TET1: variants seen among roughly 807,000 people sequenced by gnomAD.
TET1 encodes the protein methylcytosine dioxygenase TET1.
TET1 carries 13 observed loss-of-function variants against 148.7 expected under a neutral mutation model. The observed-to-expected ratio is 0.09, with a 90% confidence interval of 0.06 to 0.14. The LOEUF (loss-of-function observed/expected upper bound fraction) is 0.14, where lower values mean the gene tolerates loss of function less well. TET1 is among the 10% of genes least tolerant of loss of function. The pLI, the probability that TET1 is intolerant of heterozygous loss-of-function variation, is 1.00. For synonymous variants in TET1, 907 were observed against 937.2 expected (o/e 0.97, Z 0.59); for missense variants, 2,182 against 2,553.8 (o/e 0.85, Z 3.14).
intron 3 of TET1, among the ~76,000 whole-genome samples, chr10:68,607,895 T>C (rs1236615101): frequency 1.3e-5 from 2 of 150,784 alleles, no homozygotes; most frequent in African/African-American, 4.8e-5. Flanking sequence ...CCAACCAAAA[T>C]GGCCTATGCA....
At chr10:68,620,912 C>A (rs1490883433) in intron 3 of TET1, among the ~76,000 whole-genome samples, 1 of 152,164 alleles carries the variant, frequency 6.6e-6, no homozygotes, top group African/African-American at 2.4e-5. Flanking sequence ...TATTTAACAT[C>A]TTTTCATGTG....
Position 68,690,894 on chromosome 10 carries a change from T to A in TET1, c.5491T>A (p.Tyr1831Asn), listed in dbSNP as rs751472174. The A allele has an allele frequency of 1.1e-5, 18 of 1,614,078 alleles. No individual in the cohort carries two copies. The highest frequency in any genetic ancestry group is 1.0e-5 in the Non-Finnish European group (12 of 1,180,052). ...AAAAAGTTCAGACAACACTAAAACTTATTCGCTGATGCCATCCGCTCCTCA... is the reference window on the plus strand; with the variant it reads ...AAAAAGTTCAGACAACACTAAAACTAATTCGCTGATGCCATCCGCTCCTCA... ...ILKSSDNTKT[Y>N]SLMPSAPHPV... The change falls in exon 12 of 12, where the codon TAT becomes AAT. Residue 1831 changes from tyrosine to asparagine, a missense_variant. Coordinates refer to ENST00000373644, the MANE Select transcript of TET1 (RefSeq NM_030625.3).
chr10:68,653,139 C>T (rs1272828152), intron 6 of TET1, among the ~76,000 whole-genome samples: 1 of 151,130 alleles, frequency 6.6e-6, no homozygotes, highest in Non-Finnish European at 1.5e-5. Flanking sequence ...ATAAATCTTT[C>T]ATTTTCTTTT....
intron 3 of TET1, among the ~76,000 whole-genome samples, chr10:68,639,139 T>G (rs1406571822): frequency 6.6e-6 from 1 of 151,972 alleles, no homozygotes; most frequent in Admixed American, 6.6e-5. Flanking sequence ...AAGATTTTCT[T>G]TTCTTTCTTT....
chr10:68,676,268 ATTTTTTTTTTT>A (rs1217792442), intron 8 of TET1, among the ~76,000 whole-genome samples: 1 of 36,002 alleles, frequency 2.8e-5, no homozygotes, highest in African/African-American at 1.3e-4. Flanking sequence ...ATATATATAT[ATTTTTTTTTTT>A]TTTTTTTTTT....
At chr10:68,668,822 T>A (rs774752583) in intron 7 of TET1, among the ~76,000 whole-genome samples, 40 of 152,140 alleles carry the variant, frequency 2.6e-4, no homozygotes, top group African/African-American at 1.7e-4. Flanking sequence ...ACAAAAATAT[T>A]TTTTTAAAAA....
intron 10 of TET1, 26 bp downstream of exon 10, chr10:68,682,999 C>CTTT (rs1162313349): frequency 6.2e-7 from 1 of 1,610,866 alleles, no homozygotes; most frequent in Non-Finnish European, 8.5e-7. Flanking sequence ...AATTTGTATT[C>CTTT]TAAAAGCTCC....
At chr10:68,588,496 C>T (rs72797576) in intron 2 of TET1, among the ~76,000 whole-genome samples, 294 of 152,166 alleles carry the variant, frequency 1.9e-3, no homozygotes, top group Non-Finnish European at 3.7e-3. Flanking sequence ...TTTTAGTCAC[C>T]ATATCTCTGA....
At chr10:68,616,824 C>T (rs2054297168) in intron 3 of TET1, among the ~76,000 whole-genome samples, 3 of 150,176 alleles carry the variant, frequency 2.0e-5, no homozygotes, top group Admixed American at 6.7e-5. Context: ...TCTCCTGCCT[C>T]AGCCTCCCGA....
Position 68,601,042 on chromosome 10 carries a change from G to A in TET1, c.1968+8G>A, listed in dbSNP as rs1485295027. The A allele has an allele frequency of 6.3e-7, 1 of 1,593,754 alleles. No homozygotes were observed. The highest frequency in any genetic ancestry group is 1.2e-5 in the South Asian group (1 of 86,066). ...AAGCCCAAAGTTTTAAAGGTAATCA[G>A]CTGTTGATTAAATAATATTTCATTA... On this transcript the variant is annotated splice_region_variant and intron_variant, in intron 3 of 11. Coordinates refer to ENST00000373644, the MANE Select transcript of TET1 (RefSeq NM_030625.3).
At position 68,646,976 on chromosome 10, in the gene TET1, A is replaced by T; in HGVS notation, c.4247A>T (p.Asp1416Val). The T allele has an allele frequency of 6.2e-7, 1 of 1,613,342 alleles. No individual in the cohort carries two copies. Among genetic ancestry groups the T allele is most frequent in the Non-Finnish European group, 8.5e-7 (1 of 1,179,648 alleles). Residue 1416 changes from aspartate (D) to valine (V), a missense_variant, in exon 4 of 12, where the codon GAT becomes GTT. Physicochemically the swap from Asp to Val is radical, Grantham distance 152. Coordinates refer to ENST00000373644, the MANE Select transcript of TET1 (RefSeq NM_030625.3). ...PTKNLVSITK[D>V]SELPTCSCLD... is the part of the protein sequence containing the mutation. Reference sequence around the variant, plus strand: ...AAAAACCTAGTGTCTATAACTAAAGATTCTGAACTGCCCACCTGCAGCTGT... The same window carrying T: ...AAAAACCTAGTGTCTATAACTAAAGTTTCTGAACTGCCCACCTGCAGCTGT...
intron 3 of TET1, among the ~76,000 whole-genome samples, chr10:68,610,803 G>C (rs2054197850): frequency 6.6e-6 from 1 of 151,958 alleles, no homozygotes; most frequent in African/African-American, 2.4e-5. Context: ...CCATAGGTGT[G>C]CACCACCAAT....
intron 1 of TET1, among the ~76,000 whole-genome samples, chr10:68,569,166 CTTTTTTTTTT>C (rs34385747): frequency 2.9e-4 from 20 of 69,766 alleles, no homozygotes; most frequent in Middle Eastern, 0.012. Context: ...AGGAGAGTTT[CTTTTTTTTTT>C]TTTTTTTTTT....
At chr10:68,666,283 G>A (rs866143518) in intron 6 of TET1, among the ~76,000 whole-genome samples, 1 of 152,038 alleles carries the variant, frequency 6.6e-6, no homozygotes, top group Non-Finnish European at 1.5e-5. Context: ...GACCACATTA[G>A]TCTTATGAAT....
intron 1 of TET1, among the ~76,000 whole-genome samples, chr10:68,563,778 T>C (rs888524712): frequency 2.0e-5 from 3 of 151,976 alleles, no homozygotes; most frequent in African/African-American, 7.3e-5. Flanking sequence ...GCCTCCGGGG[T>C]TCAAGCAGTT....
chr10:68,672,779 G>A lies in TET1; in HGVS notation c.4674-116G>A, dbSNP rs189250189. The A allele has an allele frequency of 1.7e-4, 119 of 711,872 alleles. 1 individual carries two copies. The African/African-American group carries it at 1.8e-3, about 11-fold the overall frequency. 44.1% of individuals were successfully genotyped at this position (711,872 alleles called of 1,614,324 possible). The stretch of plus-strand genomic sequence containing the variant: ...TTTAAATAAGTAATATAATAGATAA[G>A]TGTTATAACCGGTTCTTTAGGCATC... On this transcript the variant is annotated intron_variant, in intron 7 of 11. Coordinates refer to ENST00000373644, the MANE Select transcript of TET1 (RefSeq NM_030625.3).
At chr10:68,627,145 T>C (rs7072580) in intron 3 of TET1, among the ~76,000 whole-genome samples, 76,496 of 151,822 alleles carry the variant, frequency 0.5, 19,930 homozygotes, top group Non-Finnish European at 0.58. Context: ...CAGTGGCTCA[T>C]GCCTGTAATC....
chr10:68,591,854 G>A (rs905694593), intron 2 of TET1, among the ~76,000 whole-genome samples: 7 of 151,876 alleles, frequency 4.6e-5, no homozygotes, highest in Admixed American at 1.3e-4. Flanking sequence ...GCAGTGAGCC[G>A]AGATTACACC....
chr10:68,625,254 A>G (rs1453194368), intron 3 of TET1, among the ~76,000 whole-genome samples: 1 of 152,204 alleles, frequency 6.6e-6, no homozygotes, highest in Non-Finnish European at 1.5e-5. Flanking sequence ...TTGATCCAGT[A>G]TCTAGTCCCT....
Sources: gnomAD v4.1 joint callset for allele counts (sites outside exome capture counted in the v4.1 genomes callset) on GRCh38, gnomAD v4.1.1 for gene constraint, MANE v1.5 for transcripts, NCBI Gene and HGNC (gene_info 2026-07-23, HGNC 2026-07-21) for gene names.